Variants in AFG2A observed in about 807,000 individuals in gnomAD.
The protein encoded by AFG2A is ATPase family gene 2 protein homolog A.
At chr4:122,979,209 G>A in the AFG2A span, 3 of 1,608,342 alleles carry the variant, frequency 1.9e-6, no homozygotes, top group Non-Finnish European at 2.5e-6. Flanking sequence ...GACAAATCTT[G>A]TGTTACTTTC....
chr4:123,274,258 A>G, the AFG2A span, among the ~76,000 whole-genome samples: 3 of 152,142 alleles, frequency 2.0e-5, no homozygotes, highest in Non-Finnish European at 4.4e-5. Flanking sequence ...TTGATTGATA[A>G]AAGAAAACTA....
At chr4:123,056,537 T>G in the AFG2A span, 2 of 957,308 alleles carry the variant, frequency 2.1e-6, no homozygotes, top group East Asian at 2.9e-5. Flanking sequence ...CTTTGGCATT[T>G]CCGAAGTCAG....
chr4:123,145,977 C>G, the AFG2A span, among the ~76,000 whole-genome samples: 5 of 151,982 alleles, frequency 3.3e-5, no homozygotes, highest in African/African-American at 7.2e-5. Flanking sequence ...CATATTTGTA[C>G]TTCTAATGCA....
the AFG2A span, among the ~76,000 whole-genome samples, chr4:122,953,442 G>A: frequency 1.3e-5 from 2 of 152,222 alleles, no homozygotes; most frequent in African/African-American, 2.4e-5. Flanking sequence ...ACTAGGGCAC[G>A]CACAGTGTGT....
chr4:123,130,202 A>G, the AFG2A span, among the ~76,000 whole-genome samples: 144 of 152,098 alleles, frequency 9.5e-4, no homozygotes, highest in African/African-American at 3.2e-3. Flanking sequence ...ATTTATGTAG[A>G]TATGAGGTCT....
chr4:123,047,062 G>A, the AFG2A span, among the ~76,000 whole-genome samples: 1 of 152,168 alleles, frequency 6.6e-6, no homozygotes, highest in African/African-American at 2.4e-5. Context: ...AGACATAGGA[G>A]TGCAGATATC....
chr4:123,234,914 T>G, the AFG2A span, among the ~76,000 whole-genome samples: 28 of 152,268 alleles, frequency 1.8e-4, no homozygotes, highest in African/African-American at 6.7e-4. Flanking sequence ...CTAATAATAG[T>G]ACCTCGCCTT....
chr4:122,947,694 C>T, the AFG2A span, among the ~76,000 whole-genome samples: 1 of 151,990 alleles, frequency 6.6e-6, no homozygotes, highest in South Asian at 2.1e-4. Context: ...TCACTCAATC[C>T]TACCTCTAAA....
At chr4:123,127,198 T>G in the AFG2A span, among the ~76,000 whole-genome samples, 1 of 152,330 alleles carries the variant, frequency 6.6e-6, no homozygotes, top group South Asian at 2.1e-4. Flanking sequence ...GGTGAGACTC[T>G]TGTCTCTAAA....
chr4:123,001,801 C>G, the AFG2A span, among the ~76,000 whole-genome samples: 2 of 151,972 alleles, frequency 1.3e-5, no homozygotes, highest in African/African-American at 2.4e-5. Context: ...GTGGAGAGTT[C>G]TGTAGATGTC....
the AFG2A span, chr4:122,933,333 C>G: frequency 1.2e-6 from 1 of 861,388 alleles, no homozygotes; most frequent in Non-Finnish European, 1.8e-6. Context: ...GTGGATTATT[C>G]TTTTGATTAA....
chr4:123,097,630 T>A, the AFG2A span, among the ~76,000 whole-genome samples: 204 of 152,264 alleles, frequency 1.3e-3, no homozygotes, highest in Middle Eastern at 0.014. Context: ...TTGTTTGTTT[T>A]TAAAACTCCA....
chr4:123,061,501 G>A, the AFG2A span, among the ~76,000 whole-genome samples: 1 of 152,180 alleles, frequency 6.6e-6, no homozygotes, highest in Non-Finnish European at 1.5e-5. Context: ...CTTGTGCAGG[G>A]CAACTCCCCT....
the AFG2A span, among the ~76,000 whole-genome samples, chr4:123,177,302 C>T: frequency 7.3e-5 from 11 of 151,440 alleles, no homozygotes; most frequent in Admixed American, 2.0e-4. Flanking sequence ...AAGCAATTCT[C>T]CTGCCTCAGC....
the AFG2A span, among the ~76,000 whole-genome samples, chr4:123,003,322 G>A: frequency 4.6e-5 from 7 of 152,266 alleles, no homozygotes; most frequent in South Asian, 4.2e-4. Context: ...GTCATTCTCC[G>A]TCCAGCTTTG....
At chr4:123,050,223 T>G in the AFG2A span, among the ~76,000 whole-genome samples, 1 of 152,170 alleles carries the variant, frequency 6.6e-6, no homozygotes, top group Non-Finnish European at 1.5e-5. Flanking sequence ...GTGGTTAATG[T>G]ATGGTCTATC....
chr4:123,247,986 C>T, the AFG2A span, among the ~76,000 whole-genome samples: 1 of 151,850 alleles, frequency 6.6e-6, no homozygotes, highest in Admixed American at 6.6e-5. Context: ...TAGTTGTTTG[C>T]GTGTTGATCT....
the AFG2A span, among the ~76,000 whole-genome samples, chr4:123,027,406 A>G: frequency 6.6e-6 from 1 of 151,670 alleles, no homozygotes; most frequent in African/African-American, 2.4e-5. Flanking sequence ...GTACCTAGCC[A>G]TTTCCCTGTT....
the AFG2A span, among the ~76,000 whole-genome samples, chr4:123,042,738 C>A: frequency 6.6e-6 from 1 of 152,150 alleles, no homozygotes; most frequent in South Asian, 2.1e-4. Context: ...CTTGCTCAAG[C>A]ATCTATACTA....
Sources: allele counts gnomAD v4.1 joint callset (sites outside exome capture counted in the v4.1 genomes callset), GRCh38; gene constraint gnomAD v4.1.1; transcripts MANE v1.5; gene names NCBI Gene and HGNC (gene_info 2026-07-23, HGNC 2026-07-21).